REXO4: variants seen among roughly 807,000 people sequenced by gnomAD.
REXO4 encodes RNA exonuclease 4.
Under a neutral mutation model 39.9 loss-of-function variants are expected in REXO4, and 29 were observed. The ratio of observed to expected loss-of-function variants is 0.73; its 90% CI spans 0.54 to 0.99. The LOEUF is 0.99. Ranked by LOEUF, REXO4 falls within the 50% of genes least tolerant of loss-of-function variation. REXO4 has a pLI of 0.00. For synonymous variants in REXO4, 184 were observed against 206.2 expected (o/e 0.89, Z 0.92); for missense variants, 524 against 546.5 (o/e 0.96, Z 0.41).
upstream of REXO4, chr9:133,418,171 TTGAC>T (rs1554782201): frequency 5.2e-6 from 2 of 384,768 alleles, no homozygotes; most frequent in Non-Finnish European, 9.4e-6. Flanking sequence ...GACCTCGAGT[TTGAC>T]TGGGGCAAGC....
chr9:133,406,780 A>T lies in REXO4; in HGVS notation c.*173T>A. 1.0e-6 allele frequency: 1 copy of T among 963,358 alleles called. No individual in the cohort carries two copies. Among genetic ancestry groups the T allele is most frequent in the Non-Finnish European group, 1.5e-6 (1 of 655,212 alleles). The allele number at this position is 963,358 out of a possible 1,614,324, so 59.7% of individuals were successfully genotyped here. The stretch of plus-strand genomic sequence containing the variant: ...CACATGGACAGTAAGACCAGGTTTC[A>T]GACCACAAAGTCAAGAGGAAGGAGG... On this transcript the variant is annotated 3_prime_UTR_variant, in exon 8 of 8. Transcript: ENST00000371942.
rs1467300639 is a variant in REXO4, at chr9:133,417,898, G to A, written c.-54C>T. Reference sequence around the variant, plus strand: ...GGCCACCCGAGACCCCGGCCTCCCCGGGCCCGGCGCCCTGGCAGCACAAGC... The same window carrying A: ...GGCCACCCGAGACCCCGGCCTCCCCAGGCCCGGCGCCCTGGCAGCACAAGC... On this transcript the variant is annotated 5_prime_UTR_variant, in exon 1 of 8. Coordinates refer to ENST00000371942, the MANE Select transcript of REXO4 (RefSeq NM_020385.4). 1.3e-6 allele frequency: 2 copies of A among 1,534,058 alleles called. No individual in the cohort carries two copies. Among genetic ancestry groups the A allele is most frequent in the Non-Finnish European group, 1.8e-6 (2 of 1,141,628 alleles).
chr9:133,408,969 T>TGTGTGTGC (rs1839071977), intron 5 of REXO4, 127 bp from the exon 6 acceptor site: 1 of 524,930 alleles, frequency 1.9e-6, no homozygotes, highest in African/African-American at 2.1e-5. Flanking sequence ...TGTGTGTGTG[T>TGTGTGTGC]GTGTGTGTGT....
intron 1 of REXO4, chr9:133,415,544 T>C (rs1839536043): frequency 6.5e-6 from 1 of 154,300 alleles, no homozygotes; most frequent in African/African-American, 2.4e-5. Context: ...GCCACACACC[T>C]TGGCTGTCAC....
rs1301480650 is a variant in REXO4 at position 133,417,984 on chromosome 9, G to T, written c.-140C>A. Reference sequence around the variant, plus strand: ...GGGACCCCGTCCAGGAAAAGACTCCGGAAGAGACCCCGCACGCGTTGCGCA... The same window carrying T: ...GGGACCCCGTCCAGGAAAAGACTCCTGAAGAGACCCCGCACGCGTTGCGCA... On this transcript the variant is annotated 5_prime_UTR_variant, in exon 1 of 8. Transcript: ENST00000371942. 5 of 748,554 alleles carry T rather than the reference G, an allele frequency of 6.7e-6. No individual in the cohort carries two copies. Among genetic ancestry groups the T allele is most frequent in the Non-Finnish European group, 1.1e-5 (5 of 471,968 alleles). 46.4% of individuals were successfully genotyped at this position (748,554 alleles called of 1,614,324 possible).
intron 5 of REXO4, 92 bp from the exon 6 acceptor site, chr9:133,408,934 T>TGTG (rs1839064696): frequency 0.051 from 16,266 of 321,166 alleles, 1,781 homozygotes; most frequent in East Asian, 0.06. Context: ...AGTAACATCT[T>TGTG]TGTGTGTGTG....
Position 133,412,331 on chromosome 9 carries a change from A to C in REXO4, c.878T>G (p.Val293Gly). The change falls in exon 4 of 8, where the codon GTC becomes GGC. Residue 293 changes from valine (V) to glycine (G), a missense_variant. Transcript: ENST00000371942. ...GAGGTTCTCAGGCCGAATCCCACTGACCGCTGTCCTATAGTCCGTCACGGG... is the reference window on the plus strand; with the variant it reads ...GAGGTTCTCAGGCCGAATCCCACTGCCCGCTGTCCTATAGTCCGTCACGGG... ...TEPVTDYRTA[V>G]SGIRPENLKQ... 1 of 1,613,986 alleles carries C rather than the reference A, an allele frequency of 6.2e-7. No individual in the cohort carries two copies. The highest frequency in any genetic ancestry group is 8.5e-7 in the Non-Finnish European group (1 of 1,180,008).
At position 133,414,645 on chromosome 9, in the gene REXO4, G is replaced by A; in HGVS notation, c.572+20C>T. 6.2e-7 allele frequency: 1 copy of A among 1,610,492 alleles called. No individual in the cohort carries two copies. The highest frequency in any genetic ancestry group is 2.2e-5 in the East Asian group (1 of 44,864). ...AGTCGCTGTGCCTCGGTTCTCAGTG[G>A]TGAGGTGGCCCATACTTACTCGGTG... On this transcript the variant is annotated intron_variant, in intron 2 of 7. Transcript: ENST00000371942.
intron 2 of REXO4, among the ~76,000 whole-genome samples, chr9:133,413,237 T>C (rs1260714001): frequency 2.0e-5 from 3 of 152,064 alleles, no homozygotes; most frequent in African/African-American, 7.2e-5. Flanking sequence ...TAGCTGGGAT[T>C]TTACAGGCGC....
intron 7 of REXO4, among the ~76,000 whole-genome samples, chr9:133,407,581 T>C (rs918790098): frequency 3.9e-5 from 6 of 152,156 alleles, no homozygotes; most frequent in African/African-American, 9.7e-5. Context: ...ATAACGAGAA[T>C]GCAGTACTTT....
chr9:133,409,232 G>C (rs1554779653), intron 5 of REXO4, among the ~76,000 whole-genome samples: 1 of 152,090 alleles, frequency 6.6e-6, no homozygotes, highest in African/African-American at 2.4e-5. Flanking sequence ...CTCCCAAAGT[G>C]CTGGGATTAC....
intron 5 of REXO4, among the ~76,000 whole-genome samples, chr9:133,409,578 T>G (rs7851389): frequency 0.013 from 1,973 of 152,272 alleles, 56 homozygotes; most frequent in African/African-American, 0.044. Context: ...TTGTTTTGTT[T>G]TTTGATAGGA....
At chr9:133,413,507 T>C (rs1019326995) in intron 2 of REXO4, among the ~76,000 whole-genome samples, 1 of 152,138 alleles carries the variant, frequency 6.6e-6, no homozygotes, top group Non-Finnish European at 1.5e-5. Context: ...ACCACCCAAG[T>C]GTAATGAGTG....
intron 1 of REXO4, 63 bp downstream of exon 1, chr9:133,417,557 C>T (rs1044384399): frequency 1.6e-5 from 25 of 1,551,272 alleles, no homozygotes; most frequent in Non-Finnish European, 2.0e-5. Context: ...CAAGTCTTTC[C>T]CTCCGTCGCG....
At position 133,417,701 on chromosome 9, in the gene REXO4, C is replaced by G; in HGVS notation, c.144G>C (p.Lys48Asn). The G allele has an allele frequency of 6.2e-7, 1 of 1,614,170 alleles. No individual in the cohort carries two copies. Among genetic ancestry groups the G allele is most frequent in the South Asian group, 1.1e-5 (1 of 91,086 alleles). The change falls in exon 1 of 8, where the codon AAG becomes AAC. Residue 48 changes from lysine to asparagine, a missense_variant. Coordinates refer to ENST00000371942, the MANE Select transcript of REXO4 (RefSeq NM_020385.4). Reference sequence around the variant, plus strand: ...CCACAGCACCGGGGCCGCTTGCTGGCTTCTTGCTTACTTCCCGCGCCTTGC... The same window carrying G: ...CCACAGCACCGGGGCCGCTTGCTGGGTTCTTGCTTACTTCCCGCGCCTTGC... The part of the protein sequence containing the change: ...WKSKAREVSK[K>N]PASGPGAVVR...
intron 1 of REXO4, chr9:133,416,009 T>C (rs1409240503): frequency 6.6e-6 from 1 of 152,202 alleles, no homozygotes; most frequent in African/African-American, 2.4e-5. Flanking sequence ...TATTAGTTCA[T>C]TGTGCACTGC....
intron 3 of REXO4, 125 bp downstream of exon 3, chr9:133,412,653 G>T: frequency 7.0e-7 from 1 of 1,432,504 alleles, no homozygotes; most frequent in Non-Finnish European, 9.6e-7. Flanking sequence ...CTGGTTCTTA[G>T]CAGGACCCTG....
intron 4 of REXO4, among the ~76,000 whole-genome samples, chr9:133,411,701 C>T (rs963720485): frequency 2.6e-5 from 4 of 152,042 alleles, no homozygotes; most frequent in South Asian, 2.1e-4. Context: ...CGGAGGCAGG[C>T]GGATCACCTG....
intron 7 of REXO4, among the ~76,000 whole-genome samples, 196 bp downstream of exon 7, chr9:133,407,611 G>A (rs965079459): frequency 1.3e-4 from 20 of 151,970 alleles, no homozygotes; most frequent in Non-Finnish European, 2.2e-4. Context: ...TGTTAAATTC[G>A]TTAAATGTGC....
Sources: gnomAD v4.1 joint callset for allele counts (sites outside exome capture counted in the v4.1 genomes callset) on GRCh38, gnomAD v4.1.1 for gene constraint, MANE v1.5 for transcripts, NCBI Gene and HGNC (gene_info 2026-07-23, HGNC 2026-07-21) for gene names.